Variants in ZNF721 observed in about 807,000 individuals in gnomAD.
The protein encoded by ZNF721 is zinc finger protein 721.
A neutral mutation model predicts 2.4 loss-of-function variants in ZNF721; 2 were observed. The observed-to-expected ratio is 0.82, with a 90% CI of 0.34 to 2.58. The LOEUF is 2.58. Among genes scored for constraint, ZNF721 ranks in the 30% most tolerant of loss-of-function variants. ZNF721 has a pLI of 0.11. For missense variants in ZNF721, 1,187 were observed against 1,085.5 expected (o/e 1.09, Z -1.31); for synonymous variants, 398 against 381.8 (o/e 1.04, Z -0.50).
At chr4:489,920 T>C (rs1553871253) in intron 1 of ZNF721, among the ~76,000 whole-genome samples, 1 of 152,112 alleles carries the variant, frequency 6.6e-6, no homozygotes, top group Non-Finnish European at 1.5e-5. Flanking sequence ...AGTGCAGCAG[T>C]GTGACCTCGG....
At chr4:459,804 C>T (rs1363512559) in intron 2 of ZNF721, among the ~76,000 whole-genome samples, 1 of 149,696 alleles carries the variant, frequency 6.7e-6, no homozygotes, top group Non-Finnish European at 1.5e-5. Flanking sequence ...ACACTCCAGC[C>T]TGGGCAAGAG....
At chr4:495,455 CTTT>C (rs35860173) in intron 1 of ZNF721, among the ~76,000 whole-genome samples, 3 of 140,414 alleles carry the variant, frequency 2.1e-5, no homozygotes, top group Non-Finnish European at 4.6e-5. Context: ...TTAAAATTGA[CTTT>C]TTTTTTTTTT....
At chr4:446,004 CA>C (rs1208880843) in intron 2 of ZNF721, among the ~76,000 whole-genome samples, 3 of 151,952 alleles carry the variant, frequency 2.0e-5, no homozygotes, top group Non-Finnish European at 4.4e-5. Context: ...ATATAACCAG[CA>C]AAACTGTCCT....
intron 1 of ZNF721, among the ~76,000 whole-genome samples, chr4:476,594 C>G (rs781823099): frequency 6.6e-6 from 1 of 152,196 alleles, no homozygotes; most frequent in Non-Finnish European, 1.5e-5. Context: ...CACACCAGAT[C>G]GACTGAGCAG....
At chr4:451,314 T>C (rs375726380) in intron 2 of ZNF721, among the ~76,000 whole-genome samples, 5 of 152,208 alleles carry the variant, frequency 3.3e-5, no homozygotes, top group African/African-American at 1.2e-4. Flanking sequence ...TATTTCAATC[T>C]ATTCCTATAC....
chr4:473,128 C>A (rs920359748), intron 1 of ZNF721, among the ~76,000 whole-genome samples: 9 of 152,078 alleles, frequency 5.9e-5, no homozygotes, highest in Non-Finnish European at 1.3e-4. Context: ...CACTTCACTA[C>A]GGGAAGACTG....
rs1388461901 is a variant in ZNF721 at position 440,445 on chromosome 4, A to AATTTG, written c.*1249_*1250insCAAAT. On this transcript the variant is annotated 3_prime_UTR_variant, in exon 3 of 3. Coordinates refer to ENST00000511833, the MANE Select transcript of ZNF721 (RefSeq NM_133474.4). ...ATATATTTCGAATATATCTCTTCAA[A>AATTTG]AACCTACTTTTCAACTTATATACAA... The AATTTG allele has an allele frequency of 6.6e-6, 1 of 152,192 alleles. No individual in the cohort carries two copies. Among genetic ancestry groups the AATTTG allele is most frequent in the East Asian group, 1.9e-4 (1 of 5,196 alleles). The allele number at this position is 152,192 out of a possible 1,614,324, so 9.4% of individuals were successfully genotyped here.
chr4:443,851 T>C lies in ZNF721; in HGVS notation c.616A>G (p.Thr206Ala), dbSNP rs782452507. The change falls in exon 3 of 3, where the codon ACA (threonine) becomes GCA (alanine). Residue 206 changes from threonine (T) to alanine (A), a missense_variant. Thr to Ala is a moderately conservative substitution (Grantham distance 58, BLOSUM62 0). Transcript: ENST00000511833. ...ATTTTCTTATATTCATTCAGGTTTG[T>C]GGACCATCCAAAGGCTCTGTCACGA... ...EDRDRAFGWSTNLNEYKKIHT... is the reference protein window; with the variant it reads ...EDRDRAFGWSANLNEYKKIHT... The C allele has an allele frequency of 1.9e-6, 3 of 1,613,980 alleles. No individual in the cohort carries two copies. Among genetic ancestry groups the C allele is most frequent in the Admixed American group, 3.3e-5 (2 of 60,030 alleles).
intron 2 of ZNF721, among the ~76,000 whole-genome samples, chr4:469,950 C>CGGCTCACTGCA (rs1201113351): frequency 1.3e-5 from 2 of 152,130 alleles, no homozygotes; most frequent in Non-Finnish European, 2.9e-5. Context: ...GGCGCCATCT[C>CGGCTCACTGCA]GGCTCACTGC....
chr4:472,085 G>C (rs1046089286), intron 2 of ZNF721, among the ~76,000 whole-genome samples: 2 of 151,944 alleles, frequency 1.3e-5, no homozygotes, highest in African/African-American at 2.4e-5. Flanking sequence ...TTTTTGAGAC[G>C]GAGTTTTGCT....
rs200448186 is a variant in ZNF721 at position 442,343 on chromosome 4, C to A, written c.2124G>T (p.Arg708Ser). The change falls in exon 3 of 3, where the codon AGG becomes AGT. Residue 708 changes from arginine (R) to serine (S), a missense_variant. Transcript: ENST00000511833. ...TCCTATGTGTAGTAAGGTTTCTTGA[C>A]CTACTAAAGGCTTTGCCACACTCTT... ...KCEECGKAFS[R>S]SRNLTTHRRV... The A allele has an allele frequency of 6.2e-7, 1 of 1,613,906 alleles. No individual in the cohort carries two copies. The highest frequency in any genetic ancestry group is 2.2e-5 in the East Asian group (1 of 44,870).
At chr4:449,359 C>T (rs184108073) in intron 2 of ZNF721, among the ~76,000 whole-genome samples, 1 of 151,862 alleles carries the variant, frequency 6.6e-6, no homozygotes, top group Non-Finnish European at 1.5e-5. Flanking sequence ...ACAATATTTT[C>T]AATAAATGGT....
chr4:441,852 T>C lies in ZNF721; in HGVS notation c.2615A>G (p.Lys872Arg). ...EKPYTCGECG[K>R]TFRQSANLYA... ...AAGATTTGCAGACTGTCTAAAGGTT[T>C]TGCCACATTCTCCACATGTGTAGGG... The change falls in exon 3 of 3, where the codon AAA becomes AGA. Residue 872 changes from lysine to arginine, a missense_variant. Transcript: ENST00000511833. The C allele has an allele frequency of 6.2e-7, 1 of 1,614,050 alleles. No homozygotes were observed.
At chr4:473,183 C>T (rs149983065) in intron 1 of ZNF721, among the ~76,000 whole-genome samples, 1,897 of 152,236 alleles carry the variant, frequency 0.012, 27 homozygotes, top group Non-Finnish European at 0.021. Flanking sequence ...AGCTTCAATG[C>T]GCATATCAAT....
At chr4:467,740 G>C (rs1207791323) in intron 2 of ZNF721, among the ~76,000 whole-genome samples, 1 of 152,236 alleles carries the variant, frequency 6.6e-6, no homozygotes, top group African/African-American at 2.4e-5. Flanking sequence ...CCTGGCCTCA[G>C]TTGTGCTCCT....
At chr4:450,875 T>C (rs1714626600) in intron 2 of ZNF721, among the ~76,000 whole-genome samples, 2 of 143,708 alleles carry the variant, frequency 1.4e-5, no homozygotes, top group South Asian at 4.4e-4. Flanking sequence ...AGGCGGAGCT[T>C]GCAGTGAGCC....
intron 1 of ZNF721, among the ~76,000 whole-genome samples, chr4:495,999 C>G (rs1235875919): frequency 6.6e-6 from 1 of 152,164 alleles, no homozygotes; most frequent in Non-Finnish European, 1.5e-5. Context: ...TTCAGAAATA[C>G]AGCCATTGCT....
chr4:495,721 GC>G lies in ZNF721; in HGVS notation c.-94+3334del, dbSNP rs1394023390. ...GGGTTCATACCATTCTCCTGCCTCA[GC>G]CCCCCAAGTAACTGGGATTACAGGT... On this transcript the variant is annotated intron_variant, in intron 1 of 2. Transcript: ENST00000511833. 9.9e-5 allele frequency among the ~76,000 whole-genome samples: 15 copies of G among 151,864 alleles called. No homozygotes were observed. In the South Asian group the frequency reaches 1.0e-3, roughly 11 times the overall value.
At position 442,217 on chromosome 4, in the gene ZNF721, A is replaced by T; in HGVS notation, c.2250T>A (p.Asp750Glu). 1 of 1,612,502 alleles carries T rather than the reference A, an allele frequency of 6.2e-7. No individual in the cohort carries two copies. Among genetic ancestry groups the T allele is most frequent in the Non-Finnish European group, 8.5e-7 (1 of 1,178,996 alleles). Residue 750 changes from aspartate (D) to glutamate (E), a missense_variant, in exon 3 of 3, where the codon GAT becomes GAA. Coordinates refer to ENST00000511833, the MANE Select transcript of ZNF721 (RefSeq NM_133474.4). Reference sequence around the variant, plus strand: ...CACATTCTTTACATTTGTAGAGTTTATCTCCAGTATGAATTTTCTTATATT... The same window carrying T: ...CACATTCTTTACATTTGTAGAGTTTTTCTCCAGTATGAATTTTCTTATATT... ...LNEYKKIHTG[D>E]KLYKCKECGK...
Sources: allele counts gnomAD v4.1 joint callset (sites outside exome capture counted in the v4.1 genomes callset), GRCh38; gene constraint gnomAD v4.1.1; transcripts MANE v1.5; gene names NCBI Gene and HGNC (gene_info 2026-07-23, HGNC 2026-07-21).